The following SLC24A2 variants were observed in gnomAD, a reference collection of about 807,000 sequenced individuals.
The protein encoded by SLC24A2 is solute carrier family 24 member 2, also known as sodium/potassium/calcium exchanger 2.
A neutral mutation model predicts 62.0 loss-of-function variants in SLC24A2; 36 were observed. The ratio of observed to expected loss-of-function variants is 0.58; its 90% confidence interval spans 0.44 to 0.77. The LOEUF (loss-of-function observed/expected upper bound fraction) is 0.77, where lower values mean the gene tolerates loss of function less well. SLC24A2 is among the 30% of genes least tolerant of loss of function. The probability of loss-of-function intolerance (pLI) is 0.00; values close to 1 mark genes in which losing one functional copy is unlikely to be tolerated. For synonymous variants in SLC24A2, 358 were observed against 294.0 expected (o/e 1.22, Z -2.23); for missense variants, 846 against 817.9 (o/e 1.03, Z -0.42).
At chr9:20,271,735 T>G in the SLC24A2 span, among the ~76,000 whole-genome samples, 1 of 152,250 alleles carries the variant, frequency 6.6e-6, no homozygotes, top group African/African-American at 2.4e-5. Context: ...TATTTTATTT[T>G]ACTTGGACTC....
chr9:19,807,635 A>T, the SLC24A2 span, among the ~76,000 whole-genome samples: 9 of 152,232 alleles, frequency 5.9e-5, no homozygotes, highest in Non-Finnish European at 1.3e-4. Flanking sequence ...TTCACATGCT[A>T]ATCGAAATTG....
rs180896299 is a variant in SLC24A2, at chr9:19,560,745, G to A, written c.1348-10477C>T. Among the ~76,000 whole-genome samples, 39 of 152,226 alleles carry A rather than the reference G, an allele frequency of 2.6e-4. 1 individual carries two copies. Among genetic ancestry groups the A allele is most frequent in the African/African-American group, 9.1e-4 (38 of 41,554 alleles). On this transcript the variant is annotated intron_variant, in intron 7 of 10. Coordinates refer to ENST00000341998, the MANE Select transcript of SLC24A2 (RefSeq NM_020344.4). ...TTTTCAAAGGTCTCATTTTTGAATAGATCTTTTTGCTTTGAAATAAATCAT... is the reference window on the plus strand; with the variant it reads ...TTTTCAAAGGTCTCATTTTTGAATAAATCTTTTTGCTTTGAAATAAATCAT...
the SLC24A2 span, among the ~76,000 whole-genome samples, chr9:19,962,801 C>A: frequency 6.6e-6 from 1 of 152,148 alleles, no homozygotes; most frequent in Non-Finnish European, 1.5e-5. Context: ...ATGTTGTCTG[C>A]AAACAGGGAC....
At chr9:20,247,182 A>G in the SLC24A2 span, among the ~76,000 whole-genome samples, 1 of 152,184 alleles carries the variant, frequency 6.6e-6, no homozygotes, top group African/African-American at 2.4e-5. Flanking sequence ...GGGCATTTCT[A>G]TGAATATATG....
At chr9:19,551,407 G>A (rs1319732342) in intron 7 of SLC24A2, among the ~76,000 whole-genome samples, 1 of 152,156 alleles carries the variant, frequency 6.6e-6, no homozygotes, top group South Asian at 2.1e-4. Flanking sequence ...AGATGGAGGG[G>A]GAGGGTCTGG....
the SLC24A2 span, among the ~76,000 whole-genome samples, chr9:20,003,226 C>T: frequency 7.2e-5 from 11 of 152,284 alleles, no homozygotes; most frequent in South Asian, 2.3e-3. Flanking sequence ...CACACTTATA[C>T]AAAACTATGC....
the SLC24A2 span, among the ~76,000 whole-genome samples, chr9:20,210,618 C>T: frequency 2.1e-5 from 3 of 142,108 alleles, no homozygotes; most frequent in East Asian, 2.2e-4. Flanking sequence ...GGACTACAGG[C>T]GCCCGCCACA....
chr9:20,266,879 A>G, the SLC24A2 span, among the ~76,000 whole-genome samples: 1 of 152,006 alleles, frequency 6.6e-6, no homozygotes, highest in Non-Finnish European at 1.5e-5. Flanking sequence ...GAAGTTTGAG[A>G]CCCACCTGGT....
chr9:19,710,277 CT>C (rs1820675670), intron 2 of SLC24A2, among the ~76,000 whole-genome samples: 1 of 152,130 alleles, frequency 6.6e-6, no homozygotes, highest in Admixed American at 6.5e-5. Context: ...GACATGTTTC[CT>C]TACCTCAAGA....
the SLC24A2 span, among the ~76,000 whole-genome samples, chr9:20,258,804 C>CT: frequency 0.013 from 1,607 of 124,344 alleles, 30 homozygotes; most frequent in African/African-American, 0.036. Context: ...ATCTATCTAT[C>CT]TATCTATCTA....
At chr9:20,050,486 A>T in the SLC24A2 span, among the ~76,000 whole-genome samples, 40 of 152,268 alleles carry the variant, frequency 2.6e-4, no homozygotes, top group African/African-American at 9.6e-4. Context: ...CTAAGAATCT[A>T]TGATGTCTTT....
At chr9:20,275,945 C>A in the SLC24A2 span, among the ~76,000 whole-genome samples, 1 of 152,120 alleles carries the variant, frequency 6.6e-6, no homozygotes. Flanking sequence ...AAAACCACCC[C>A]CATGATACAA....
At chr9:20,071,902 A>T in the SLC24A2 span, among the ~76,000 whole-genome samples, 1 of 152,126 alleles carries the variant, frequency 6.6e-6, no homozygotes, top group Admixed American at 6.6e-5. Context: ...GGAAACACTT[A>T]CTTTGGCTGA....
chr9:20,138,024 C>T, the SLC24A2 span, among the ~76,000 whole-genome samples: 1 of 152,142 alleles, frequency 6.6e-6, no homozygotes, highest in African/African-American at 2.4e-5. Flanking sequence ...GTCCACAGCC[C>T]TGAGAGTTAA....
chr9:19,732,113 T>TA (rs5896860), intron 2 of SLC24A2, among the ~76,000 whole-genome samples: 25 of 151,640 alleles, frequency 1.6e-4, no homozygotes, highest in African/African-American at 2.4e-4. Context: ...CTTGTTTTGT[T>TA]AAAAAAAAAA....
intron 8 of SLC24A2, among the ~76,000 whole-genome samples, chr9:19,535,735 A>C (rs1298227789): frequency 6.6e-6 from 1 of 152,156 alleles, no homozygotes; most frequent in African/African-American, 2.4e-5. Context: ...TACCAGTACC[A>C]TGCTGTTTTG....
At chr9:20,271,712 C>A in the SLC24A2 span, among the ~76,000 whole-genome samples, 1 of 151,990 alleles carries the variant, frequency 6.6e-6, no homozygotes, top group Non-Finnish European at 1.5e-5. Flanking sequence ...CACACACTAT[C>A]CAAATATTTT....
chr9:20,188,709 GAGA>G, the SLC24A2 span, among the ~76,000 whole-genome samples: 1 of 152,076 alleles, frequency 6.6e-6, no homozygotes, highest in Non-Finnish European at 1.5e-5. Context: ...AGGATGACGG[GAGA>G]AGAAGCCACG....
chr9:20,196,885 G>C, the SLC24A2 span, among the ~76,000 whole-genome samples: 1 of 152,110 alleles, frequency 6.6e-6, no homozygotes, highest in Non-Finnish European at 1.5e-5. Context: ...CAATTCCTTT[G>C]TCCATGCATA....
Sources: gnomAD v4.1 joint callset for allele counts (sites outside exome capture counted in the v4.1 genomes callset) on GRCh38, gnomAD v4.1.1 for gene constraint, MANE v1.5 for transcripts, NCBI Gene and HGNC (gene_info 2026-07-23, HGNC 2026-07-21) for gene names.